The following XNDC1N variants were observed in gnomAD, a reference collection of about 807,000 sequenced individuals.
XNDC1N encodes XRCC1 N-terminal domain containing 1, N-terminal like, also known as protein XNDC1N.
chr11:71,908,791 A>C, the XNDC1N span, among the ~76,000 whole-genome samples: 1 of 152,182 alleles, frequency 6.6e-6, no homozygotes, highest in African/African-American at 2.4e-5. Context: ...GAGAGTCCTC[A>C]AGCAGCAACT....
At chr11:71,897,480 G>A in the XNDC1N span, among the ~76,000 whole-genome samples, 1 of 152,272 alleles carries the variant, frequency 6.6e-6, no homozygotes, top group East Asian at 1.9e-4. Context: ...CTAAGGTGAT[G>A]TTCAAAATCA....
At chr11:71,928,551 G>A in the XNDC1N span, 2 of 702,438 alleles carry the variant, frequency 2.8e-6, no homozygotes, top group Non-Finnish European at 5.2e-6. Context: ...GTCCTACCGA[G>A]GCAAGATGGC....
the XNDC1N span, chr11:71,917,347 C>T: frequency 1.6e-6 from 1 of 620,842 alleles, no homozygotes; most frequent in East Asian, 2.7e-5. Context: ...TGTGTGTGTT[C>T]TATATATTGG....
chr11:71,908,236 TTATTAA>T, the XNDC1N span, among the ~76,000 whole-genome samples: 1 of 151,860 alleles, frequency 6.6e-6, no homozygotes, highest in East Asian at 1.9e-4. Context: ...AGTTTTCAGA[TTATTAA>T]TATTAATAAT....
At chr11:71,875,015 G>T in the XNDC1N span, among the ~76,000 whole-genome samples, 1 of 152,148 alleles carries the variant, frequency 6.6e-6, no homozygotes, top group Non-Finnish European at 1.5e-5. Context: ...TGGGTCAGGA[G>T]ACCTAGCCAG....
At chr11:71,896,574 T>C in the XNDC1N span, among the ~76,000 whole-genome samples, 1 of 152,238 alleles carries the variant, frequency 6.6e-6, no homozygotes, top group Non-Finnish European at 1.5e-5. Flanking sequence ...TTTTTGTTTT[T>C]TGTTTTGAGA....
the XNDC1N span, among the ~76,000 whole-genome samples, chr11:71,913,595 G>A: frequency 2.0e-5 from 3 of 150,894 alleles, no homozygotes; most frequent in African/African-American, 7.3e-5. Flanking sequence ...GGAGGCAGAG[G>A]TTGTGGTCAG....
chr11:71,900,699 T>C, the XNDC1N span, among the ~76,000 whole-genome samples: 100 of 152,340 alleles, frequency 6.6e-4, no homozygotes, highest in Middle Eastern at 3.4e-3. Context: ...ACAGACACCA[T>C]GGCATCATGA....
At chr11:71,881,883 A>G in the XNDC1N span, among the ~76,000 whole-genome samples, 4 of 152,316 alleles carry the variant, frequency 2.6e-5, no homozygotes, top group South Asian at 6.2e-4. Flanking sequence ...AAAAGGAAAA[A>G]TATATGTGTA....
At chr11:71,872,312 T>C in the XNDC1N span, among the ~76,000 whole-genome samples, 4 of 152,256 alleles carry the variant, frequency 2.6e-5, no homozygotes, top group African/African-American at 9.6e-5. Flanking sequence ...ATCAGTTTGT[T>C]GTTTTAAGCC....
the XNDC1N span, among the ~76,000 whole-genome samples, chr11:71,882,455 C>G: frequency 6.6e-6 from 1 of 152,016 alleles, no homozygotes. Context: ...GGTCTTGAAC[C>G]CCTGACCCCA....
At chr11:71,888,295 G>T in the XNDC1N span, among the ~76,000 whole-genome samples, 1 of 152,214 alleles carries the variant, frequency 6.6e-6, no homozygotes, top group Non-Finnish European at 1.5e-5. Context: ...CCATCTAGCG[G>T]AGCCTAAGAG....
At chr11:71,895,928 G>T in the XNDC1N span, among the ~76,000 whole-genome samples, 20 of 152,270 alleles carry the variant, frequency 1.3e-4, 1 homozygote, top group South Asian at 4.2e-3. Context: ...TTAAATGAAA[G>T]AAGCCAGGCA....
At chr11:71,884,595 G>GA in the XNDC1N span, 12,910 of 1,569,014 alleles carry the variant, frequency 8.2e-3, 981 homozygotes, top group African/African-American at 0.16. Context: ...GACTCCAGGA[G>GA]AAAAAACATG....
chr11:71,924,544 G>T, the XNDC1N span, among the ~76,000 whole-genome samples: 3 of 152,240 alleles, frequency 2.0e-5, no homozygotes, highest in East Asian at 5.8e-4. Flanking sequence ...CTGGCGTGGT[G>T]GTGGGCGCCT....
the XNDC1N span, chr11:71,893,595 C>T: frequency 1.9e-6 from 2 of 1,046,928 alleles, no homozygotes; most frequent in African/African-American, 1.6e-5. Flanking sequence ...TGCTGAGGAA[C>T]CTGCTCAACA....
chr11:71,911,099 G>GC, the XNDC1N span, among the ~76,000 whole-genome samples: 2 of 152,234 alleles, frequency 1.3e-5, no homozygotes, highest in African/African-American at 2.4e-5. Context: ...CTAAAGGATG[G>GC]CCCCCCTGTT....
chr11:71,867,740 T>G, the XNDC1N span, among the ~76,000 whole-genome samples: 1 of 152,228 alleles, frequency 6.6e-6, no homozygotes, highest in African/African-American at 2.4e-5. Flanking sequence ...GTGTACCATG[T>G]GCAGATGAGA....
chr11:71,888,928 A>T, the XNDC1N span, among the ~76,000 whole-genome samples: 2 of 152,156 alleles, frequency 1.3e-5, no homozygotes, highest in African/African-American at 4.8e-5. Context: ...TGTTGGACTC[A>T]ATTGACTCTA....
Sources: gnomAD v4.1 joint callset for allele counts (sites outside exome capture counted in the v4.1 genomes callset) on GRCh38, gnomAD v4.1.1 for gene constraint, MANE v1.5 for transcripts, NCBI Gene and HGNC (gene_info 2026-07-23, HGNC 2026-07-21) for gene names.